Variants in FHOD3 observed in about 807,000 individuals in gnomAD.
FHOD3 encodes the protein FH1/FH2 domain-containing protein 3.
FHOD3 carries 90 observed loss-of-function variants against 173.0 expected under a neutral mutation model. The ratio of observed to expected loss-of-function variants is 0.52; its 90% CI spans 0.44 to 0.62. The LOEUF is 0.62. FHOD3 is among the 20% of genes least tolerant of loss of function. FHOD3 has a pLI of 0.00. For synonymous variants in FHOD3, 828 were observed against 823.0 expected, an observed-to-expected ratio of 1.01 and a Z score of -0.10; for missense variants, 1,945 against 2,034.7, an observed-to-expected ratio of 0.96 and a Z score of 0.85.
Position 36,498,268 on chromosome 18 carries a change from A to C in FHOD3, c.338-3664A>C, listed in dbSNP as rs550597618. ...TTCTATTAGAAACAAGACGGGTCTC[A>C]AATCATTTAAATTTCTACCTGAAGA... On this transcript the variant is annotated intron_variant, in intron 3 of 28. Coordinates refer to ENST00000590592, the MANE Select transcript of FHOD3 (RefSeq NM_001281740.3). Among the ~76,000 whole-genome samples, 65 of 152,290 alleles carry C rather than the reference A, an allele frequency of 4.3e-4. 1 individual carries two copies. Among genetic ancestry groups the C allele is most frequent in the African/African-American group, 1.6e-3 (65 of 41,574 alleles).
intron 3 of FHOD3, among the ~76,000 whole-genome samples, chr18:36,447,442 T>C (rs2051552219): frequency 6.6e-6 from 1 of 152,156 alleles, no homozygotes; most frequent in Non-Finnish European, 1.5e-5. Context: ...CAGCTTGACT[T>C]TGCCTAATTG....
intron 3 of FHOD3, among the ~76,000 whole-genome samples, chr18:36,450,443 GTTTATTTATTTA>G (rs78899431): frequency 1.8e-4 from 17 of 92,978 alleles, no homozygotes; most frequent in East Asian, 3.6e-4. Flanking sequence ...CGACCAGTTT[GTTTATTTATTTA>G]TTTATTTATT....
chr18:36,314,208 C>T (rs994418189), intron 1 of FHOD3, among the ~76,000 whole-genome samples: 4 of 152,224 alleles, frequency 2.6e-5, no homozygotes, highest in African/African-American at 7.2e-5. Flanking sequence ...AAAGTACTGG[C>T]GTCCCCTGCC....
chr18:36,314,484 C>T (rs1055464967), intron 1 of FHOD3, among the ~76,000 whole-genome samples: 7 of 152,088 alleles, frequency 4.6e-5, no homozygotes, highest in Non-Finnish European at 1.0e-4. Flanking sequence ...GGAATGCAGC[C>T]GAGTACATGT....
At chr18:36,366,750 T>C (rs1376173394) in intron 2 of FHOD3, among the ~76,000 whole-genome samples, 1 of 152,198 alleles carries the variant, frequency 6.6e-6, no homozygotes, top group African/African-American at 2.4e-5. Flanking sequence ...TCCATCTCTT[T>C]ATCCCTGAGA....
At chr18:36,709,060 G>T in intron 17 of FHOD3, 35 bp from the exon 18 acceptor site, 1 of 1,593,108 alleles carries the variant, frequency 6.3e-7, no homozygotes, top group Non-Finnish European at 8.6e-7. Flanking sequence ...CAAGAAATCT[G>T]TCGTCAATAT....
At chr18:36,776,995 A>G (rs2043706072) in intron 28 of FHOD3, among the ~76,000 whole-genome samples, 1 of 152,222 alleles carries the variant, frequency 6.6e-6, no homozygotes, top group Admixed American at 6.5e-5. Context: ...TTACAGGACT[A>G]AAGCAAATGT....
chr18:36,515,094 G>A (rs749866046), intron 5 of FHOD3, among the ~76,000 whole-genome samples: 8 of 152,204 alleles, frequency 5.3e-5, no homozygotes, highest in Non-Finnish European at 5.9e-5. Flanking sequence ...GTTAAACACA[G>A]GTCCTGGTGG....
At chr18:36,391,610 C>A (rs12606966) in intron 3 of FHOD3, among the ~76,000 whole-genome samples, 2 of 151,992 alleles carry the variant, frequency 1.3e-5, no homozygotes, top group African/African-American at 4.8e-5. Flanking sequence ...CTGGCTGAGC[C>A]CTGGGTTTAC....
chr18:36,645,982 C>T (rs56158388), intron 10 of FHOD3, among the ~76,000 whole-genome samples: 2 of 152,006 alleles, frequency 1.3e-5, no homozygotes, highest in South Asian at 2.1e-4. Flanking sequence ...TATGACAAAC[C>T]TTATACTTTT....
chr18:36,604,634 G>A (rs1263331533), intron 8 of FHOD3, among the ~76,000 whole-genome samples: 2 of 152,002 alleles, frequency 1.3e-5, no homozygotes, highest in Non-Finnish European at 2.9e-5. Context: ...GCATTTAATG[G>A]AACATAGCAA....
Position 36,575,730 on chromosome 18 carries a change from T to C in FHOD3, c.512-721T>C, listed in dbSNP as rs960829319. Among the ~76,000 whole-genome samples the C allele has an allele frequency of 1.3e-5, 2 of 152,212 alleles. 1 individual carries two copies. The highest frequency in any genetic ancestry group is 2.9e-5 in the Non-Finnish European group (2 of 68,028). ...TTTGTTCATTATCTATCAGTCAGAT[T>C]ATTTTGATAATAATGGAGTTGAAAA... is the stretch of plus-strand genomic sequence containing the variant. On this transcript the variant is annotated intron_variant, in intron 5 of 28. Coordinates refer to ENST00000590592, the MANE Select transcript of FHOD3 (RefSeq NM_001281740.3).
chr18:36,579,903 G>A (rs1348781060), intron 6 of FHOD3, among the ~76,000 whole-genome samples: 1 of 151,668 alleles, frequency 6.6e-6, no homozygotes, highest in Non-Finnish European at 1.5e-5. Flanking sequence ...AAAGAGGGAG[G>A]AGAAGGACCA....
chr18:36,456,180 C>T (rs1453624287), intron 3 of FHOD3, among the ~76,000 whole-genome samples: 1 of 152,136 alleles, frequency 6.6e-6, no homozygotes, highest in Non-Finnish European at 1.5e-5. Context: ...GCCCCTGGTG[C>T]AATTATAATT....
intron 4 of FHOD3, among the ~76,000 whole-genome samples, chr18:36,507,558 C>T (rs1442756169): frequency 6.6e-6 from 1 of 152,148 alleles, no homozygotes; most frequent in African/African-American, 2.4e-5. Flanking sequence ...GGTTCATCGC[C>T]AGGCCTTTCG....
At chr18:36,744,932 A>T (rs1323118795) in intron 23 of FHOD3, among the ~76,000 whole-genome samples, 1 of 152,172 alleles carries the variant, frequency 6.6e-6, no homozygotes, top group African/African-American at 2.4e-5. Context: ...AGGGGTGGAA[A>T]ATACCCTTAA....
intron 18 of FHOD3, 81 bp from the exon 19 acceptor site, chr18:36,717,751 G>T: frequency 6.7e-7 from 1 of 1,489,382 alleles, no homozygotes. Context: ...CATGTGTCAG[G>T]CTCACTTATT....
At chr18:36,588,608 A>C (rs537065644) in intron 6 of FHOD3, among the ~76,000 whole-genome samples, 1 of 152,198 alleles carries the variant, frequency 6.6e-6, no homozygotes, top group South Asian at 2.1e-4. Flanking sequence ...GAAATTAGGA[A>C]TTTGAAGATT....
intron 14 of FHOD3, among the ~76,000 whole-genome samples, chr18:36,658,903 T>C (rs978534311): frequency 6.6e-6 from 1 of 152,178 alleles, no homozygotes; most frequent in Non-Finnish European, 1.5e-5. Context: ...TAGAGGGTGA[T>C]TTTGATGAGC....
Sources: gnomAD v4.1 joint callset for allele counts (sites outside exome capture counted in the v4.1 genomes callset) on GRCh38, gnomAD v4.1.1 for gene constraint, MANE v1.5 for transcripts, NCBI Gene and HGNC (gene_info 2026-07-23, HGNC 2026-07-21) for gene names.